PRIMA1: variants seen among roughly 807,000 people sequenced by gnomAD.
The protein encoded by PRIMA1 is proline-rich membrane anchor 1.
Under a neutral mutation model 17.5 loss-of-function variants are expected in PRIMA1, and 7 were observed. That is an observed-to-expected ratio of 0.40 (90% CI 0.23 to 0.75). The LOEUF (loss-of-function observed/expected upper bound fraction) is 0.75, where lower values mean the gene tolerates loss of function less well. Among genes scored for constraint, PRIMA1 ranks in the 30% least tolerant of loss-of-function variants. The probability of loss-of-function intolerance (pLI) is 0.37; values close to 1 mark genes in which losing one functional copy is unlikely to be tolerated. For synonymous variants in PRIMA1, 97 were observed against 77.9 expected, an observed-to-expected ratio of 1.25 and a Z score of -1.29; for missense variants, 200 against 201.8, an observed-to-expected ratio of 0.99 and a Z score of 0.05.
intron 3 of PRIMA1, among the ~76,000 whole-genome samples, chr14:93,763,804 C>A (rs992854325): frequency 2.6e-5 from 4 of 152,088 alleles, no homozygotes. Context: ...TCCCGCCCCA[C>A]GCTCTCCCCA....
At chr14:93,741,883 G>T (rs1358599920) in intron 3 of PRIMA1, among the ~76,000 whole-genome samples, 3 of 152,128 alleles carry the variant, frequency 2.0e-5, no homozygotes, top group African/African-American at 4.8e-5. Flanking sequence ...TGACATCTCA[G>T]GGGTCGCAAC....
chr14:93,765,064 C>T (rs903744297), intron 3 of PRIMA1, among the ~76,000 whole-genome samples: 2 of 147,662 alleles, frequency 1.4e-5, no homozygotes, highest in South Asian at 4.2e-4. Flanking sequence ...CCCGTTGAGT[C>T]CCCCCCACTC....
intron 3 of PRIMA1, among the ~76,000 whole-genome samples, chr14:93,770,478 C>G (rs79538993): frequency 0.019 from 2,871 of 152,290 alleles, 99 homozygotes; most frequent in African/African-American, 0.065. Flanking sequence ...CTTCTCCACA[C>G]GAGGACCTTG....
intron 4 of PRIMA1, among the ~76,000 whole-genome samples, chr14:93,723,391 C>T (rs998874699): frequency 2.6e-5 from 4 of 152,072 alleles, no homozygotes; most frequent in African/African-American, 4.8e-5. Flanking sequence ...GTGACCAGCT[C>T]GATGTCTCTG....
chr14:93,748,970 A>G (rs1157318712), intron 3 of PRIMA1, among the ~76,000 whole-genome samples: 2 of 152,164 alleles, frequency 1.3e-5, no homozygotes, highest in African/African-American at 4.8e-5. Context: ...CGGGAACAGC[A>G]GGACACTGCC....
At chr14:93,734,667 C>T (rs1052607764) in intron 4 of PRIMA1, among the ~76,000 whole-genome samples, 3 of 119,560 alleles carry the variant, frequency 2.5e-5, no homozygotes, top group Non-Finnish European at 5.6e-5. Context: ...CACCCACACC[C>T]CTGGAAGAAG....
chr14:93,721,858 A>G (rs932973130), intron 4 of PRIMA1, among the ~76,000 whole-genome samples: 1 of 152,182 alleles, frequency 6.6e-6, no homozygotes, highest in Non-Finnish European at 1.5e-5. Context: ...CAAACAAGAA[A>G]GTATGTTCAG....
chr14:93,723,791 G>A (rs1209248317), intron 4 of PRIMA1, among the ~76,000 whole-genome samples: 1 of 152,130 alleles, frequency 6.6e-6, no homozygotes, highest in Non-Finnish European at 1.5e-5. Context: ...GCTTAGAGAG[G>A]GCTTAATTTG....
chr14:93,732,502 C>T (rs768962356), intron 4 of PRIMA1, among the ~76,000 whole-genome samples: 4 of 152,174 alleles, frequency 2.6e-5, no homozygotes, highest in East Asian at 1.9e-4. Context: ...TGTGATCCAC[C>T]GTTCTTTGGG....
At chr14:93,788,804 G>T (rs1364280685), upstream of PRIMA1, among the ~76,000 whole-genome samples, 3 of 151,918 alleles carry the variant, frequency 2.0e-5, no homozygotes, top group African/African-American at 7.2e-5. Flanking sequence ...GGCAGAGGGC[G>T]GGGAAAGTCT....
intron 2 of PRIMA1, among the ~76,000 whole-genome samples, chr14:93,780,421 T>G (rs1885345579): frequency 6.6e-6 from 1 of 152,224 alleles, no homozygotes; most frequent in Non-Finnish European, 1.5e-5. Flanking sequence ...CACCATTTGA[T>G]AAATTTTTGG....
intron 3 of PRIMA1, among the ~76,000 whole-genome samples, chr14:93,776,907 G>C (rs944361175): frequency 1.1e-4 from 17 of 152,148 alleles, no homozygotes; most frequent in Non-Finnish European, 1.5e-4. Flanking sequence ...GAATCTTCCA[G>C]AGAAAGCTGG....
At chr14:93,727,095 A>AG (rs2076082935) in intron 4 of PRIMA1, among the ~76,000 whole-genome samples, 1 of 152,086 alleles carries the variant, frequency 6.6e-6, no homozygotes. Context: ...TCCATCGCCC[A>AG]GGGGGGTGGG....
chr14:93,721,210 G>A lies in PRIMA1; in HGVS notation c.*234C>T. The A allele has an allele frequency of 1.9e-6, 1 of 521,452 alleles. No individual in the cohort carries two copies. Among genetic ancestry groups the A allele is most frequent in the Admixed American group, 3.6e-5 (1 of 27,854 alleles). The allele number at this position is 521,452 out of a possible 1,614,324, so 32.3% of individuals were successfully genotyped here. A position where few individuals can be genotyped will look rare whatever the true frequency, so the allele number is the denominator to read the frequency against. On this transcript the variant is annotated 3_prime_UTR_variant, in exon 5 of 5. Transcript: ENST00000393140. ...GAGGAGGATGTGGAGGGCCTGGGGT[G>A]GGGACACTGCCCAGGTGCTGCGCCG...
At chr14:93,780,279 G>A (rs909224595) in intron 2 of PRIMA1, among the ~76,000 whole-genome samples, 1 of 152,186 alleles carries the variant, frequency 6.6e-6, no homozygotes, top group Non-Finnish European at 1.5e-5. Context: ...TTCCCCTCTA[G>A]GGGCAGAAAG....
chr14:93,746,908 G>A (rs761800244), intron 3 of PRIMA1, among the ~76,000 whole-genome samples: 1 of 152,144 alleles, frequency 6.6e-6, no homozygotes, highest in Non-Finnish European at 1.5e-5. Flanking sequence ...CAACTGATGG[G>A]GAAGATTACT....
intron 4 of PRIMA1, among the ~76,000 whole-genome samples, chr14:93,727,117 C>T (rs1177990667): frequency 4.6e-5 from 7 of 152,168 alleles, no homozygotes; most frequent in South Asian, 2.1e-4. Flanking sequence ...GACAGGCATG[C>T]GGCAGACAAG....
chr14:93,780,736 G>C (rs1885353111), intron 2 of PRIMA1, among the ~76,000 whole-genome samples: 1 of 152,226 alleles, frequency 6.6e-6, no homozygotes, highest in African/African-American at 2.4e-5. Context: ...TGGGAACTGG[G>C]TAGATGGATT....
chr14:93,764,432 C>A (rs1387161159), intron 3 of PRIMA1, among the ~76,000 whole-genome samples: 3 of 151,882 alleles, frequency 2.0e-5, no homozygotes, highest in African/African-American at 4.8e-5. Flanking sequence ...GTTCTGCCCC[C>A]CCGCCCCCAA....
Sources: gnomAD v4.1 joint callset for allele counts (sites outside exome capture counted in the v4.1 genomes callset) on GRCh38, gnomAD v4.1.1 for gene constraint, MANE v1.5 for transcripts, NCBI Gene and HGNC (gene_info 2026-07-23, HGNC 2026-07-21) for gene names.